Variants in SPMAP2L observed in about 807,000 individuals in gnomAD.
The protein encoded by SPMAP2L is sperm microtubule associated protein 2 like, also known as sperm microtubule associated protein 2-like.
the SPMAP2L span, among the ~76,000 whole-genome samples, chr4:56,602,203 G>A: frequency 4.7e-4 from 72 of 152,186 alleles, no homozygotes; most frequent in South Asian, 2.5e-3. Context: ...TTACCTTGAC[G>A]GATAACATCT....
chr4:56,564,778 T>C, the SPMAP2L span, among the ~76,000 whole-genome samples: 5 of 152,250 alleles, frequency 3.3e-5, no homozygotes, highest in African/African-American at 9.6e-5. Context: ...GAGACCTTTC[T>C]TATTTTTTCT....
chr4:56,587,463 C>A, the SPMAP2L span, among the ~76,000 whole-genome samples: 1 of 141,866 alleles, frequency 7.0e-6, no homozygotes, highest in Non-Finnish European at 1.5e-5. Context: ...TTGTCCCTCA[C>A]CCCCCTCCCA....
chr4:56,534,038 C>G, the SPMAP2L span, among the ~76,000 whole-genome samples: 10 of 152,258 alleles, frequency 6.6e-5, no homozygotes, highest in Admixed American at 5.2e-4. Flanking sequence ...CTTTAAGAAA[C>G]CCCAAACCTT....
chr4:56,615,241 T>C, the SPMAP2L span, among the ~76,000 whole-genome samples: 1 of 152,214 alleles, frequency 6.6e-6, no homozygotes, highest in East Asian at 1.9e-4. Flanking sequence ...GAATGCTTCA[T>C]TACCTCTAGA....
chr4:56,593,911 G>T, the SPMAP2L span: 2 of 1,609,430 alleles, frequency 1.2e-6, no homozygotes, highest in African/African-American at 1.3e-5. Context: ...CTTTGATTTT[G>T]CCAGAAGGTC....
chr4:56,583,067 G>A, the SPMAP2L span, among the ~76,000 whole-genome samples: 1,055 of 152,236 alleles, frequency 6.9e-3, 14 homozygotes, highest in African/African-American at 0.024. Flanking sequence ...GAGGTCAGGC[G>A]TTCGAGAACA....
the SPMAP2L span, among the ~76,000 whole-genome samples, chr4:56,577,489 A>G: frequency 1.3e-5 from 2 of 152,178 alleles, no homozygotes; most frequent in Admixed American, 1.3e-4. Context: ...TTTATATTAT[A>G]AAAGAGTCAG....
the SPMAP2L span, among the ~76,000 whole-genome samples, chr4:56,540,946 A>G: frequency 1.3e-5 from 2 of 152,250 alleles, no homozygotes; most frequent in Non-Finnish European, 2.9e-5. Flanking sequence ...CTCCAGTTGC[A>G]TCCTGGGGAT....
the SPMAP2L span, among the ~76,000 whole-genome samples, chr4:56,573,447 A>C: frequency 6.6e-6 from 1 of 151,466 alleles, no homozygotes; most frequent in Admixed American, 6.6e-5. Context: ...TTTTTTTTCT[A>C]TCTCTCACTC....
the SPMAP2L span, among the ~76,000 whole-genome samples, chr4:56,573,266 T>C: frequency 5.1e-3 from 777 of 152,332 alleles, 8 homozygotes; most frequent in African/African-American, 0.017. Flanking sequence ...TGTTTAGTCT[T>C]CATAATCACC....
chr4:56,585,514 T>G, the SPMAP2L span, among the ~76,000 whole-genome samples: 1 of 152,080 alleles, frequency 6.6e-6, no homozygotes, highest in African/African-American at 2.4e-5. Context: ...CAGCTGATTT[T>G]TACATTTTTT....
the SPMAP2L span, among the ~76,000 whole-genome samples, chr4:56,614,274 G>A: frequency 3.3e-5 from 5 of 152,304 alleles, no homozygotes; most frequent in African/African-American, 9.6e-5. Context: ...CTGGAGAAGA[G>A]TTTCCTAAAG....
the SPMAP2L span, among the ~76,000 whole-genome samples, chr4:56,547,690 G>A: frequency 1.3e-5 from 2 of 152,150 alleles, no homozygotes; most frequent in Admixed American, 1.3e-4. Flanking sequence ...TGATGCTGTA[G>A]CGCACCCACT....
At chr4:56,617,852 T>C in the SPMAP2L span, among the ~76,000 whole-genome samples, 7 of 152,086 alleles carry the variant, frequency 4.6e-5, no homozygotes, top group African/African-American at 9.7e-5. Flanking sequence ...AGAAGGGAGA[T>C]GGTTTTCCCC....
chr4:56,574,475 T>C, the SPMAP2L span, among the ~76,000 whole-genome samples: 1 of 152,054 alleles, frequency 6.6e-6, no homozygotes, highest in African/African-American at 2.4e-5. Flanking sequence ...ATCCTAAAAA[T>C]TCATAGTTAA....
chr4:56,575,533 G>A, the SPMAP2L span: 2 of 1,535,460 alleles, frequency 1.3e-6, no homozygotes, highest in South Asian at 2.4e-5. Context: ...CTGTGGAAGA[G>A]AGTCTGTAAT....
chr4:56,603,387 T>A, the SPMAP2L span: 1 of 1,202,526 alleles, frequency 8.3e-7, no homozygotes, highest in Non-Finnish European at 1.1e-6. Context: ...GATGACTTAG[T>A]TCCCTGTTGC....
At chr4:56,571,983 TA>T in the SPMAP2L span, among the ~76,000 whole-genome samples, 1 of 152,200 alleles carries the variant, frequency 6.6e-6, no homozygotes, top group Non-Finnish European at 1.5e-5. Flanking sequence ...TCTCCTATGA[TA>T]AAAGGCCTTT....
the SPMAP2L span, among the ~76,000 whole-genome samples, chr4:56,569,422 T>G: frequency 1.3e-5 from 2 of 152,256 alleles, no homozygotes; most frequent in Admixed American, 6.5e-5. Flanking sequence ...TTTTTTCATT[T>G]GTTTGTTGGC....
Sources: allele counts gnomAD v4.1 joint callset (sites outside exome capture counted in the v4.1 genomes callset), GRCh38; gene constraint gnomAD v4.1.1; transcripts MANE v1.5; gene names NCBI Gene and HGNC (gene_info 2026-07-23, HGNC 2026-07-21).